The following RANBP2 variants were observed in gnomAD, a reference collection of about 807,000 sequenced individuals.
The protein encoded by RANBP2 is E3 SUMO-protein ligase RanBP2.
RANBP2 carries 57 observed loss-of-function variants against 303.6 expected under a neutral mutation model. The observed-to-expected ratio is 0.19, with a 90% confidence interval of 0.15 to 0.23. The LOEUF (loss-of-function observed/expected upper bound fraction) is 0.23. RANBP2 is among the 10% of genes least tolerant of loss of function. The pLI is 1.00. For synonymous variants in RANBP2, 1,167 were observed against 1,301.5 expected (o/e 0.90, Z 2.23); for missense variants, 3,138 against 3,780.8 (o/e 0.83, Z 4.46).
chr2:109,592,431 T>C, the RANBP2 span, among the ~76,000 whole-genome samples: 1 of 143,132 alleles, frequency 7.0e-6, no homozygotes. Context: ...CACCATCGCA[T>C]TCCAGCCTGG....
the RANBP2 span, among the ~76,000 whole-genome samples, chr2:108,963,600 G>C: frequency 2.0e-5 from 3 of 152,194 alleles, no homozygotes; most frequent in African/African-American, 7.2e-5. Flanking sequence ...CAAGACAGAA[G>C]ACAATTACAA....
At chr2:109,187,404 G>A in the RANBP2 span, among the ~76,000 whole-genome samples, 2 of 151,980 alleles carry the variant, frequency 1.3e-5, no homozygotes, top group Admixed American at 1.3e-4. Flanking sequence ...CTAAGATGGT[G>A]CTTAAGGCCG....
chr2:109,570,899 T>C, the RANBP2 span, among the ~76,000 whole-genome samples: 1 of 152,174 alleles, frequency 6.6e-6, no homozygotes, highest in Non-Finnish European at 1.5e-5. Context: ...TATACAGTCA[T>C]GTGTGGCTTA....
chr2:109,071,671 C>T, the RANBP2 span, among the ~76,000 whole-genome samples: 1 of 117,940 alleles, frequency 8.5e-6, no homozygotes, highest in African/African-American at 3.3e-5. Context: ...AAGACTCTAT[C>T]TCAAAAAAAA....
the RANBP2 span, among the ~76,000 whole-genome samples, chr2:109,113,295 C>T: frequency 6.6e-6 from 1 of 152,036 alleles, no homozygotes; most frequent in African/African-American, 2.4e-5. Context: ...TTGTTTGTAT[C>T]CTCTTTTATT....
the RANBP2 span, among the ~76,000 whole-genome samples, chr2:109,259,351 C>A: frequency 6.6e-6 from 1 of 152,184 alleles, no homozygotes; most frequent in African/African-American, 2.4e-5. Flanking sequence ...CTGAGACCAC[C>A]ATCCAGAGCC....
the RANBP2 span, among the ~76,000 whole-genome samples, chr2:109,550,971 A>G: frequency 1.3e-5 from 2 of 152,236 alleles, no homozygotes; most frequent in African/African-American, 2.4e-5. Flanking sequence ...TTGGGTAGTA[A>G]TAATAATGAT....
intron 7 of RANBP2, among the ~76,000 whole-genome samples, chr2:108,745,241 A>G (rs957060022): frequency 2.8e-5 from 4 of 144,530 alleles, no homozygotes; most frequent in South Asian, 2.3e-4. Context: ...CTGTTGCCAA[A>G]TATCTAACCC....
the RANBP2 span, among the ~76,000 whole-genome samples, chr2:109,620,815 G>C: frequency 6.6e-6 from 1 of 152,170 alleles, no homozygotes; most frequent in Non-Finnish European, 1.5e-5. Flanking sequence ...GTATACAAAT[G>C]ACTACTTATT....
At chr2:109,705,538 C>T in the RANBP2 span, among the ~76,000 whole-genome samples, 5 of 152,200 alleles carry the variant, frequency 3.3e-5, no homozygotes, top group South Asian at 2.1e-4. Flanking sequence ...TCAGGAGTGG[C>T]GTTAAAGCTT....
At chr2:109,144,560 T>C in the RANBP2 span, among the ~76,000 whole-genome samples, 93 of 152,386 alleles carry the variant, frequency 6.1e-4, no homozygotes, top group African/African-American at 1.9e-3. Flanking sequence ...GGCAATTTTA[T>C]GCTTGCAAGC....
At chr2:109,296,976 C>G in the RANBP2 span, among the ~76,000 whole-genome samples, 1 of 152,094 alleles carries the variant, frequency 6.6e-6, no homozygotes, top group East Asian at 1.9e-4. Flanking sequence ...AGTGATTTAC[C>G]TATTTCCTCC....
the RANBP2 span, among the ~76,000 whole-genome samples, chr2:109,344,763 T>C: frequency 2.0e-5 from 3 of 152,158 alleles, no homozygotes; most frequent in Admixed American, 1.3e-4. Context: ...GGCACAGGGA[T>C]GACTGAAGGT....
chr2:109,225,742 T>C, the RANBP2 span, among the ~76,000 whole-genome samples: 2 of 152,244 alleles, frequency 1.3e-5, no homozygotes, highest in Non-Finnish European at 2.9e-5. Context: ...GATTTATTTT[T>C]ATAAGTTAGT....
At chr2:109,564,634 C>A in the RANBP2 span, 1 of 1,011,956 alleles carries the variant, frequency 9.9e-7, no homozygotes. Context: ...ACATGTGAAA[C>A]AACAAATAGC....
At chr2:109,132,707 A>G in the RANBP2 span, among the ~76,000 whole-genome samples, 1 of 152,230 alleles carries the variant, frequency 6.6e-6, no homozygotes, top group Non-Finnish European at 1.5e-5. Flanking sequence ...TTTTAATGGT[A>G]CTGTCTAACC....
At chr2:109,473,370 A>G in the RANBP2 span, among the ~76,000 whole-genome samples, 10 of 152,280 alleles carry the variant, frequency 6.6e-5, no homozygotes, top group South Asian at 1.7e-3. Context: ...CGTGTTCAGA[A>G]TAGGGCGTGC....
chr2:108,728,352 G>C (rs1180407496), intron 1 of RANBP2, among the ~76,000 whole-genome samples: 1 of 152,154 alleles, frequency 6.6e-6, no homozygotes, highest in Non-Finnish European at 1.5e-5. Context: ...GGAGTGCAGT[G>C]TCACAGTCAT....
the RANBP2 span, among the ~76,000 whole-genome samples, chr2:109,742,816 AG>A: frequency 6.7e-6 from 1 of 148,568 alleles, no homozygotes; most frequent in African/African-American, 2.6e-5. Flanking sequence ...TAGAACAATC[AG>A]GACAATGTGG....
Sources: allele counts gnomAD v4.1 joint callset (sites outside exome capture counted in the v4.1 genomes callset), GRCh38; gene constraint gnomAD v4.1.1; transcripts MANE v1.5; gene names NCBI Gene and HGNC (gene_info 2026-07-23, HGNC 2026-07-21).